Variants in CA10 observed in about 807,000 individuals in gnomAD.
The protein encoded by CA10 is carbonic anhydrase-related protein 10.
Under a neutral mutation model 44.2 loss-of-function variants are expected in CA10, and 14 were observed. The observed-to-expected ratio is 0.32, with a 90% CI of 0.21 to 0.50. The LOEUF (loss-of-function observed/expected upper bound fraction) is 0.50, where lower values mean the gene tolerates loss of function less well. Among genes scored for constraint, CA10 ranks in the 20% least tolerant of loss-of-function variants. The pLI is 0.99. For missense variants in CA10, 350 were observed against 409.7 expected (o/e 0.85, Z 1.26); for synonymous variants, 159 against 141.6 (o/e 1.12, Z -0.87).
rs34631877 is a variant in CA10, at chr17:51,868,057, A to AACACACAC, written c.279+62925_279+62932dup. Among the ~76,000 whole-genome samples the AACACACAC allele has an allele frequency of 5.0e-3, 726 of 144,928 alleles. 2 individuals carry two copies. Among genetic ancestry groups the AACACACAC allele is most frequent in the African/African-American group, 9.4e-3 (371 of 39,628 alleles). On this transcript the variant is annotated intron_variant, in intron 3 of 8. Coordinates refer to ENST00000451037, the MANE Select transcript of CA10 (RefSeq NM_020178.5). ...CACAGAGTTCAAATAAAGCAGGTGT[A>AACACACAC]ACACACACACACACACACACACACA...
chr17:51,855,532 GA>G (rs1979001781), intron 3 of CA10, among the ~76,000 whole-genome samples: 1 of 152,234 alleles, frequency 6.6e-6, no homozygotes, highest in African/African-American at 2.4e-5. Context: ...ACTCCAGCAA[GA>G]AAGGAAAGAA....
At chr17:52,115,714 TG>T (rs1988880904) in intron 1 of CA10, among the ~76,000 whole-genome samples, 1 of 152,244 alleles carries the variant, frequency 6.6e-6, no homozygotes, top group Non-Finnish European at 1.5e-5. Context: ...GGGCCCTGCG[TG>T]GCTGGCTGGC....
At chr17:51,894,526 A>G (rs560932060) in intron 3 of CA10, among the ~76,000 whole-genome samples, 4 of 152,076 alleles carry the variant, frequency 2.6e-5, no homozygotes, top group Non-Finnish European at 4.4e-5. Flanking sequence ...TTAAGAATTT[A>G]TACCCATTGT....
intron 2 of CA10, among the ~76,000 whole-genome samples, chr17:52,040,697 C>G (rs944787189): frequency 1.3e-5 from 2 of 151,946 alleles, no homozygotes; most frequent in Non-Finnish European, 2.9e-5. Context: ...GAACCCAAAC[C>G]GAATCCAGTA....
chr17:52,017,678 T>C (rs1326994733), intron 2 of CA10, among the ~76,000 whole-genome samples: 4 of 151,992 alleles, frequency 2.6e-5, no homozygotes, highest in African/African-American at 9.7e-5. Flanking sequence ...ATCTGGAAAA[T>C]TTACAGCCTG....
chr17:51,829,454 T>A (rs1908147878), intron 3 of CA10, among the ~76,000 whole-genome samples: 1 of 152,102 alleles, frequency 6.6e-6, no homozygotes, highest in African/African-American at 2.4e-5. Context: ...GCAAAGACAG[T>A]GCCATGCAAA....
chr17:51,665,070 C>T (rs987803372), intron 4 of CA10, among the ~76,000 whole-genome samples: 1 of 152,148 alleles, frequency 6.6e-6, no homozygotes, highest in Non-Finnish European at 1.5e-5. Context: ...ACTGTCCTAA[C>T]TGATATATTC....
chr17:51,951,540 A>G (rs1983483432), intron 2 of CA10, among the ~76,000 whole-genome samples: 2 of 152,218 alleles, frequency 1.3e-5, no homozygotes, highest in Admixed American at 6.5e-5. Context: ...CTTACAGCAA[A>G]GAGCTAACTC....
chr17:51,878,829 C>CATATATATATAT (rs61340613), intron 3 of CA10, among the ~76,000 whole-genome samples: 1 of 37,098 alleles, frequency 2.7e-5, no homozygotes, highest in African/African-American at 7.6e-5. Context: ...TTTTCATGTT[C>CATATATATATAT]ATATATATAT....
intron 2 of CA10, among the ~76,000 whole-genome samples, chr17:51,993,614 T>C (rs1985121957): frequency 6.6e-6 from 1 of 152,108 alleles, no homozygotes; most frequent in Admixed American, 6.6e-5. Flanking sequence ...TATTTATCAT[T>C]GTATTCTGCT....
intron 2 of CA10, among the ~76,000 whole-genome samples, chr17:52,029,590 T>C (rs1357237995): frequency 1.4e-5 from 2 of 148,026 alleles, no homozygotes; most frequent in East Asian, 2.2e-4. Context: ...GTTTCTCATC[T>C]GTAAAACACC....
intron 3 of CA10, among the ~76,000 whole-genome samples, chr17:51,835,919 T>C (rs1432884025): frequency 6.6e-6 from 1 of 151,812 alleles, no homozygotes; most frequent in Non-Finnish European, 1.5e-5. Context: ...AGGGTAAGAA[T>C]TAGCCACATA....
chr17:52,071,921 G>A (rs528808848), intron 2 of CA10, among the ~76,000 whole-genome samples: 1 of 152,310 alleles, frequency 6.6e-6, no homozygotes, highest in South Asian at 2.1e-4. Flanking sequence ...TTGGCGCGAT[G>A]TGCTAAGTGC....
At chr17:52,010,041 C>A (rs1419181963) in intron 2 of CA10, among the ~76,000 whole-genome samples, 1 of 151,824 alleles carries the variant, frequency 6.6e-6, no homozygotes. Flanking sequence ...AAATCAAAAC[C>A]ACAATGCAAT....
chr17:51,941,369 C>T (rs528752587), intron 2 of CA10, among the ~76,000 whole-genome samples: 1 of 152,234 alleles, frequency 6.6e-6, no homozygotes, highest in South Asian at 2.1e-4. Context: ...TCTTGTGTGC[C>T]TGTATCAGGT....
intron 4 of CA10, among the ~76,000 whole-genome samples, chr17:51,706,884 T>A (rs978243678): frequency 2.0e-5 from 3 of 152,176 alleles, no homozygotes; most frequent in African/African-American, 7.2e-5. Context: ...TTTGTTCATA[T>A]GTCACATTCT....
At chr17:51,742,750 A>G (rs1230594683) in intron 4 of CA10, among the ~76,000 whole-genome samples, 3 of 152,204 alleles carry the variant, frequency 2.0e-5, no homozygotes, top group African/African-American at 7.2e-5. Flanking sequence ...AGCAACAGCT[A>G]TGGACTTTTC....
chr17:51,941,894 T>C (rs1197369002), intron 2 of CA10, among the ~76,000 whole-genome samples: 1 of 152,168 alleles, frequency 6.6e-6, no homozygotes, highest in African/African-American at 2.4e-5. Context: ...TGTATGTATA[T>C]GTTTAGTATG....
intron 2 of CA10, among the ~76,000 whole-genome samples, chr17:52,032,015 A>G (rs1212397258): frequency 6.6e-6 from 1 of 152,218 alleles, no homozygotes; most frequent in Non-Finnish European, 1.5e-5. Context: ...TCTAATACAC[A>G]CAAATAAAAA....
Sources: gnomAD v4.1 joint callset for allele counts (sites outside exome capture counted in the v4.1 genomes callset) on GRCh38, gnomAD v4.1.1 for gene constraint, MANE v1.5 for transcripts, NCBI Gene and HGNC (gene_info 2026-07-23, HGNC 2026-07-21) for gene names.